TGFBR3: variants seen among roughly 807,000 people sequenced by gnomAD.
The protein encoded by TGFBR3 is transforming growth factor beta receptor 3, also known as transforming growth factor beta receptor type 3.
In TGFBR3, 46 loss-of-function variants were observed where a neutral mutation model predicts 87.9. The observed-to-expected ratio is 0.52, with a 90% CI of 0.41 to 0.67. The LOEUF (loss-of-function observed/expected upper bound fraction) is 0.67. Ranked by LOEUF, TGFBR3 falls within the 30% of genes least tolerant of loss-of-function variation. The probability of loss-of-function intolerance (pLI) is 0.00; values close to 1 mark genes in which losing one functional copy is unlikely to be tolerated. For missense variants in TGFBR3, 866 were observed against 1,041.9 expected, an observed-to-expected ratio of 0.83 and a Z score of 2.32; for synonymous variants, 381 against 391.6, an observed-to-expected ratio of 0.97 and a Z score of 0.32.
In TGFBR3 at chr1:91,886,094, C is replaced by T. The variant is rs898288146; in HGVS notation, c.-330G>A. ...CCGGGGCGCGAGAGCCGCCGACTGC[C>T]CTCCTTCACTCGCTGGGAAGAGGAA... On this transcript the variant is annotated 5_prime_UTR_variant, in exon 1 of 17. Transcript: ENST00000212355. 2 of 453,980 alleles carry T rather than the reference C, an allele frequency of 4.4e-6. No individual in the cohort carries two copies. The highest frequency in any genetic ancestry group is 4.0e-5 in the African/African-American group (2 of 50,022). 28.1% of individuals were successfully genotyped at this position (453,980 alleles called of 1,614,324 possible). A position where few individuals can be genotyped will look rare whatever the true frequency, so the allele number is the denominator to read the frequency against.
rs188303181 is a variant in TGFBR3, at chr1:91,823,563, G to C, written c.62-26092C>G. On this transcript the variant is annotated intron_variant, in intron 2 of 16. Transcript: ENST00000212355. ...AAAAAGGAACAAATTACTAATACAT[G>C]CAACAACTTGGCTGTTGATTCTCAA... Among the ~76,000 whole-genome samples the C allele has an allele frequency of 2.4e-4, 37 of 152,318 alleles. 1 individual carries two copies. Among genetic ancestry groups the C allele is most frequent in the Middle Eastern group, 3.4e-3 (1 of 294 alleles).
chr1:91,742,199 G>A (rs1429078449), intron 4 of TGFBR3, among the ~76,000 whole-genome samples: 1 of 152,098 alleles, frequency 6.6e-6, no homozygotes. Context: ...GCACACAAGT[G>A]ACTGTACAGA....
At chr1:91,730,068 GAC>G (rs2100811844) in intron 5 of TGFBR3, 95 bp from the exon 6 acceptor site, 1 of 1,398,304 alleles carries the variant, frequency 7.2e-7, no homozygotes, top group South Asian at 1.2e-5. Flanking sequence ...GCAAATGGCA[GAC>G]ACAGGGAACC....
At chr1:91,720,655 T>C (rs1255059698) in intron 8 of TGFBR3, among the ~76,000 whole-genome samples, 2 of 152,218 alleles carry the variant, frequency 1.3e-5, no homozygotes, top group African/African-American at 4.8e-5. Flanking sequence ...GTAACTGCAA[T>C]GTGCACCTAA....
intron 2 of TGFBR3, among the ~76,000 whole-genome samples, chr1:91,803,702 T>A (rs928185612): frequency 1.2e-4 from 18 of 152,166 alleles, no homozygotes; most frequent in African/African-American, 4.3e-4. Flanking sequence ...AGCCTCTGAA[T>A]AGCAAGGTTT....
At chr1:91,709,738 G>A (rs1571428339) in intron 13 of TGFBR3, among the ~76,000 whole-genome samples, 1 of 152,088 alleles carries the variant, frequency 6.6e-6, no homozygotes, top group African/African-American at 2.4e-5. Flanking sequence ...TTGTTTTCTT[G>A]TCTATATTTA....
At chr1:91,695,081 G>A (rs1224114689) in intron 16 of TGFBR3, among the ~76,000 whole-genome samples, 1 of 149,818 alleles carries the variant, frequency 6.7e-6, no homozygotes, top group East Asian at 2.0e-4. Flanking sequence ...AGGGATAATA[G>A]CTTGAAAATG....
At chr1:91,800,097 G>A (rs895934657) in intron 2 of TGFBR3, among the ~76,000 whole-genome samples, 5 of 151,698 alleles carry the variant, frequency 3.3e-5, no homozygotes, top group African/African-American at 1.2e-4. Context: ...ACTCTTTACA[G>A]AGACCCACTG....
intron 10 of TGFBR3, among the ~76,000 whole-genome samples, chr1:91,718,934 C>G (rs967178858): frequency 1.5e-4 from 23 of 152,204 alleles, no homozygotes; most frequent in Admixed American, 6.5e-5. Flanking sequence ...GACCACACAT[C>G]TGGTTAACCC....
intron 4 of TGFBR3, among the ~76,000 whole-genome samples, chr1:91,747,423 C>T (rs1673385256): frequency 1.3e-5 from 2 of 152,204 alleles, no homozygotes; most frequent in Admixed American, 1.3e-4. Flanking sequence ...GGTTATTTCC[C>T]TCTCTGTCCC....
chr1:91,876,809 CA>C (rs2101266508), intron 1 of TGFBR3, among the ~76,000 whole-genome samples: 1 of 152,188 alleles, frequency 6.6e-6, no homozygotes, highest in African/African-American at 2.4e-5. Context: ...ATTTCCAATA[CA>C]GAGCATTTGA....
intron 2 of TGFBR3, among the ~76,000 whole-genome samples, chr1:91,804,500 A>G (rs968676190): frequency 4.6e-5 from 7 of 151,940 alleles, no homozygotes; most frequent in African/African-American, 1.5e-4. Context: ...TTGGCCTCAT[A>G]GTGGTTCCTT....
At chr1:91,728,503 A>AT (rs1672626996) in intron 6 of TGFBR3, among the ~76,000 whole-genome samples, 1 of 152,132 alleles carries the variant, frequency 6.6e-6, no homozygotes, top group Admixed American at 6.5e-5. Flanking sequence ...AAAAAAGAGA[A>AT]TTTTTTACTA....
intron 4 of TGFBR3, 117 bp downstream of exon 4, chr1:91,758,496 T>A: frequency 8.0e-7 from 1 of 1,247,078 alleles, no homozygotes; most frequent in Non-Finnish European, 1.2e-6. Context: ...AATTTAACAC[T>A]CTTTGGACTC....
At chr1:91,840,396 A>G (rs1051327003) in intron 2 of TGFBR3, among the ~76,000 whole-genome samples, 4 of 150,934 alleles carry the variant, frequency 2.7e-5, no homozygotes, top group Non-Finnish European at 5.9e-5. Flanking sequence ...TGATTTTGTA[A>G]TATCATGCAT....
intron 2 of TGFBR3, among the ~76,000 whole-genome samples, chr1:91,812,078 G>A (rs149263720): frequency 4.6e-5 from 7 of 152,226 alleles, no homozygotes; most frequent in Admixed American, 1.3e-4. Flanking sequence ...TTTCTCCCAT[G>A]GAGACAGCTC....
intron 7 of TGFBR3, among the ~76,000 whole-genome samples, chr1:91,726,903 C>T (rs1210225678): frequency 6.6e-6 from 1 of 150,938 alleles, no homozygotes; most frequent in Non-Finnish European, 1.5e-5. Flanking sequence ...CAATATAATT[C>T]AGTCAAATAG....
intron 5 of TGFBR3, among the ~76,000 whole-genome samples, chr1:91,731,397 C>T (rs1672762909): frequency 6.6e-6 from 1 of 152,142 alleles, no homozygotes; most frequent in Admixed American, 6.5e-5. Flanking sequence ...TTTGTCGGCT[C>T]GTTGCGAGAG....
intron 3 of TGFBR3, among the ~76,000 whole-genome samples, chr1:91,789,663 G>GACTGC (rs1675114390): frequency 6.6e-6 from 1 of 152,162 alleles, no homozygotes; most frequent in Admixed American, 6.5e-5. Flanking sequence ...AAAAGTCCAA[G>GACTGC]ACTGCATTTT....
Sources: allele counts gnomAD v4.1 joint callset (sites outside exome capture counted in the v4.1 genomes callset), GRCh38; gene constraint gnomAD v4.1.1; transcripts MANE v1.5; gene names NCBI Gene and HGNC (gene_info 2026-07-23, HGNC 2026-07-21).